CDH12: variants seen among roughly 807,000 people sequenced by gnomAD.
The protein encoded by CDH12 is cadherin 12, also known as cadherin-12.
CDH12 carries 41 observed loss-of-function variants against 74.1 expected under a neutral mutation model. The observed-to-expected ratio is 0.55, with a 90% CI of 0.43 to 0.72. The LOEUF (loss-of-function observed/expected upper bound fraction) is 0.72, where lower values mean the gene tolerates loss of function less well. Among genes scored for constraint, CDH12 ranks in the 30% least tolerant of loss-of-function variants. The pLI is 0.00. For synonymous variants in CDH12, 399 were observed against 355.0 expected (o/e 1.12, Z -1.39); for missense variants, 945 against 977.2 (o/e 0.97, Z 0.44).
intron 4 of CDH12, among the ~76,000 whole-genome samples, chr5:22,190,214 A>T (rs1211081897): frequency 6.6e-6 from 1 of 152,144 alleles, no homozygotes; most frequent in Non-Finnish European, 1.5e-5. Context: ...ATTAGCAAAA[A>T]TACTCCCTCA....
chr5:22,195,366 A>T (rs1433954462), intron 4 of CDH12, among the ~76,000 whole-genome samples: 2 of 152,152 alleles, frequency 1.3e-5, no homozygotes, highest in East Asian at 3.8e-4. Context: ...AAATCAGAGC[A>T]TTAAAGAGTG....
In CDH12 at chr5:22,409,234, AT is replaced by A. The variant is rs1237053351; in HGVS notation, c.-427-3884del. Among the ~76,000 whole-genome samples the A allele has an allele frequency of 2.0e-5, 3 of 152,008 alleles. No homozygotes were observed. The East Asian group carries it at 5.8e-4, about 29-fold the overall frequency. The stretch of plus-strand genomic sequence containing the variant: ...AAGCCTCTTTGACATTTAAAATTGT[AT>A]TTTTCTTCTCCTTCTAGAGAAACTG... On this transcript the variant is annotated intron_variant, in intron 2 of 14. Transcript: ENST00000382254.
chr5:22,141,311 G>A lies in CDH12; in HGVS notation c.-186-62449C>T, dbSNP rs1304958255. ...TTATTACTTAATTAGAATGATAAATGTTATACTATCTATGTGAGTAGTTGG... is the reference window on the plus strand; with the variant it reads ...TTATTACTTAATTAGAATGATAAATATTATACTATCTATGTGAGTAGTTGG... On this transcript the variant is annotated intron_variant, in intron 4 of 14. Transcript: ENST00000382254. 4.6e-5 allele frequency: 7 copies of A among 152,308 alleles called. No individual in the cohort carries two copies. The South Asian group carries it at 1.4e-3, about 32-fold the overall frequency. 9.4% of individuals were successfully genotyped at this position (152,308 alleles called of 1,614,324 possible).
At chr5:22,090,529 A>C (rs1337712126) in intron 4 of CDH12, among the ~76,000 whole-genome samples, 1 of 151,416 alleles carries the variant, frequency 6.6e-6, no homozygotes, top group Non-Finnish European at 1.5e-5. Context: ...ACCCTGACTT[A>C]TTCTATGCGA....
intron 1 of CDH12, among the ~76,000 whole-genome samples, chr5:22,514,567 C>A (rs1736731692): frequency 6.6e-6 from 1 of 151,904 alleles, no homozygotes; most frequent in Non-Finnish European, 1.5e-5. Flanking sequence ...ATTGTTGCTT[C>A]TAGAGAATTT....
intron 3 of CDH12, among the ~76,000 whole-genome samples, chr5:22,338,610 T>C (rs1303851476): frequency 6.6e-6 from 1 of 152,212 alleles, no homozygotes; most frequent in Admixed American, 6.5e-5. Flanking sequence ...CTTGAGAGGA[T>C]GAATACCCAA....
chr5:22,418,169 G>T (rs925139210), intron 2 of CDH12, among the ~76,000 whole-genome samples: 1 of 152,078 alleles, frequency 6.6e-6, no homozygotes, highest in African/African-American at 2.4e-5. Flanking sequence ...TACATCCCTT[G>T]TAAGTTATAT....
At chr5:22,473,853 CT>C (rs761678723) in intron 2 of CDH12, among the ~76,000 whole-genome samples, 1 of 152,036 alleles carries the variant, frequency 6.6e-6, no homozygotes, top group Non-Finnish European at 1.5e-5. Context: ...AACCTGTCTC[CT>C]TCTCAATAAC....
At chr5:22,605,247 T>C (rs1158961355) in intron 1 of CDH12, among the ~76,000 whole-genome samples, 4 of 152,146 alleles carry the variant, frequency 2.6e-5, no homozygotes, top group African/African-American at 4.8e-5. Flanking sequence ...ACACTGCAGA[T>C]TTGGACTTTC....
chr5:22,809,192 A>G (rs1431855661), intron 1 of CDH12, among the ~76,000 whole-genome samples: 2 of 151,978 alleles, frequency 1.3e-5, no homozygotes, highest in Non-Finnish European at 2.9e-5. Flanking sequence ...TTTTAAATAT[A>G]TTTAAGAAAT....
chr5:22,736,506 C>T (rs1237920263), intron 1 of CDH12, among the ~76,000 whole-genome samples: 1 of 150,696 alleles, frequency 6.6e-6, no homozygotes, highest in African/African-American at 2.5e-5. Flanking sequence ...TTTATATGCA[C>T]ACACATCTGT....
chr5:22,328,213 GT>G (rs1033219631), intron 3 of CDH12, among the ~76,000 whole-genome samples: 4 of 152,048 alleles, frequency 2.6e-5, no homozygotes, highest in African/African-American at 9.7e-5. Flanking sequence ...TACTAAATCA[GT>G]TTTTTAAAAA....
intron 2 of CDH12, among the ~76,000 whole-genome samples, chr5:22,489,690 C>CTTTTTTTTT (rs753962922): frequency 8.3e-6 from 1 of 120,660 alleles, no homozygotes; most frequent in Non-Finnish European, 1.7e-5. Context: ...TGCAGTGTAA[C>CTTTTTTTTT]TTTTTTTTTT....
chr5:22,268,061 T>A (rs1007743111), intron 3 of CDH12, among the ~76,000 whole-genome samples: 2 of 152,118 alleles, frequency 1.3e-5, no homozygotes, highest in East Asian at 3.9e-4. Context: ...TCCTTTGGAA[T>A]AATTAAAATA....
intron 2 of CDH12, among the ~76,000 whole-genome samples, chr5:22,414,794 T>C (rs1743310840): frequency 6.6e-6 from 1 of 151,916 alleles, no homozygotes; most frequent in South Asian, 2.1e-4. Flanking sequence ...GGACTTACTT[T>C]TTCTAATGAT....
intron 5 of CDH12, among the ~76,000 whole-genome samples, chr5:22,014,838 C>G (rs1227356189): frequency 6.6e-6 from 1 of 152,040 alleles, no homozygotes; most frequent in Non-Finnish European, 1.5e-5. Context: ...AAAACATACA[C>G]TTATTTGATA....
At chr5:22,016,942 T>C (rs1274765309) in intron 5 of CDH12, among the ~76,000 whole-genome samples, 1 of 152,122 alleles carries the variant, frequency 6.6e-6, no homozygotes, top group Non-Finnish European at 1.5e-5. Flanking sequence ...ATACTCCTTC[T>C]GTCACAGCTT....
chr5:22,327,081 T>C (rs1052474732), intron 3 of CDH12, among the ~76,000 whole-genome samples: 5 of 152,122 alleles, frequency 3.3e-5, no homozygotes, highest in East Asian at 1.9e-4. Context: ...TGGAAGGACA[T>C]AGTTCTTTTA....
intron 5 of CDH12, among the ~76,000 whole-genome samples, chr5:21,988,837 G>A (rs1193802704): frequency 6.6e-6 from 1 of 152,058 alleles, no homozygotes; most frequent in Non-Finnish European, 1.5e-5. Flanking sequence ...CAAGCTTTTG[G>A]ATTTTTTAAC....
Sources: allele counts gnomAD v4.1 joint callset (sites outside exome capture counted in the v4.1 genomes callset), GRCh38; gene constraint gnomAD v4.1.1; transcripts MANE v1.5; gene names NCBI Gene and HGNC (gene_info 2026-07-23, HGNC 2026-07-21).